Variants in DLGAP2 observed in about 807,000 individuals in gnomAD.
DLGAP2 encodes the protein disks large-associated protein 2.
DLGAP2 carries 26 observed loss-of-function variants against 100.3 expected under a neutral mutation model. The observed-to-expected ratio is 0.26, with a 90% confidence interval of 0.19 to 0.36. The LOEUF (loss-of-function observed/expected upper bound fraction) is 0.36. Ranked by LOEUF, DLGAP2 falls within the 10% of genes least tolerant of loss-of-function variation. The pLI is 1.00. For synonymous variants in DLGAP2, 886 were observed against 630.1 expected, an observed-to-expected ratio of 1.41 and a Z score of -6.08; for missense variants, 1,858 against 1,453.2, an observed-to-expected ratio of 1.28 and a Z score of -4.53.
At chr8:1,331,661 G>C (rs1347774073) in intron 3 of DLGAP2, among the ~76,000 whole-genome samples, 1 of 152,094 alleles carries the variant, frequency 6.6e-6, no homozygotes, top group South Asian at 2.1e-4. Flanking sequence ...TTGGGTATAC[G>C]ACAAACGTGG....
chr8:757,775 C>T (rs535599909), intron 1 of DLGAP2, among the ~76,000 whole-genome samples: 4 of 152,204 alleles, frequency 2.6e-5, no homozygotes, highest in Admixed American at 6.5e-5. Context: ...TGTTCTGAAG[C>T]TGTATCCAAT....
Position 928,327 on chromosome 8 carries a change from G to A in DLGAP2, c.73+20361G>A, listed in dbSNP as rs1011926468. Among the ~76,000 whole-genome samples, 6 of 151,944 alleles carry A rather than the reference G, an allele frequency of 3.9e-5. 1 individual carries two copies. The highest frequency in any genetic ancestry group is 1.3e-4 in the Admixed American group (2 of 15,246). On this transcript the variant is annotated intron_variant, in intron 2 of 14. Transcript: ENST00000637795. ...ACTAGGCATCCTGGACAGGGATTACGGAGGTCGAGTTTGCGTTCACTAGGT... is the reference window on the plus strand; with the variant it reads ...ACTAGGCATCCTGGACAGGGATTACAGAGGTCGAGTTTGCGTTCACTAGGT...
intron 3 of DLGAP2, among the ~76,000 whole-genome samples, chr8:1,283,158 T>C (rs370460429): frequency 3.7e-4 from 46 of 123,460 alleles, no homozygotes; most frequent in East Asian, 9.8e-4. Flanking sequence ...GTGAACCATC[T>C]GGACGTGGTG....
At chr8:1,010,014 G>C (rs1801229528) in intron 2 of DLGAP2, among the ~76,000 whole-genome samples, 1 of 152,212 alleles carries the variant, frequency 6.6e-6, no homozygotes, top group Non-Finnish European at 1.5e-5. Context: ...TACACCTTAT[G>C]CTAAAAAGAA....
intron 2 of DLGAP2, among the ~76,000 whole-genome samples, chr8:1,008,103 G>C (rs1801173948): frequency 6.6e-6 from 1 of 152,188 alleles, no homozygotes; most frequent in Non-Finnish European, 1.5e-5. Flanking sequence ...CATCCAAATT[G>C]ATTAGTGAAG....
At chr8:967,781 A>ATG (rs1327512618) in intron 2 of DLGAP2, among the ~76,000 whole-genome samples, 1 of 57,482 alleles carries the variant, frequency 1.7e-5, no homozygotes, top group African/African-American at 7.0e-5. Flanking sequence ...ATATATATGT[A>ATG]TATATATATA....
intron 1 of DLGAP2, among the ~76,000 whole-genome samples, chr8:795,678 A>AGC (rs1369419671): frequency 1.1e-4 from 14 of 131,916 alleles, no homozygotes; most frequent in South Asian, 2.5e-4. Context: ...GTCCAGTGAG[A>AGC]ACAGGCGTCC....
chr8:836,922 A>T (rs1471609008), intron 1 of DLGAP2, among the ~76,000 whole-genome samples: 1 of 152,162 alleles, frequency 6.6e-6, no homozygotes, highest in South Asian at 2.1e-4. Context: ...GCACATGCAC[A>T]CACCTGCTGC....
chr8:957,147 C>T (rs1156389162), intron 2 of DLGAP2, among the ~76,000 whole-genome samples: 2 of 152,194 alleles, frequency 1.3e-5, no homozygotes, highest in African/African-American at 2.4e-5. Context: ...GGGAATGAGG[C>T]CTTTAGCTGG....
intron 2 of DLGAP2, among the ~76,000 whole-genome samples, chr8:959,281 G>C (rs192079838): frequency 6.6e-6 from 1 of 152,282 alleles, no homozygotes; most frequent in East Asian, 1.9e-4. Flanking sequence ...TAATGTTTTG[G>C]GGAAGGAGGT....
chr8:1,483,113 C>T (rs1468202727), intron 3 of DLGAP2, among the ~76,000 whole-genome samples: 3 of 152,120 alleles, frequency 2.0e-5, no homozygotes, highest in African/African-American at 4.8e-5. Flanking sequence ...AAACCACGCT[C>T]GGTGCCGGCA....
intron 1 of DLGAP2, among the ~76,000 whole-genome samples, chr8:838,859 T>C (rs1352640083): frequency 6.6e-6 from 1 of 152,222 alleles, no homozygotes; most frequent in Non-Finnish European, 1.5e-5. Flanking sequence ...GGTGACTTCC[T>C]GGGGAGCGAG....
chr8:879,382 A>G (rs1261043645), intron 1 of DLGAP2, among the ~76,000 whole-genome samples: 1 of 152,164 alleles, frequency 6.6e-6, no homozygotes, highest in Admixed American at 6.5e-5. Flanking sequence ...TTGAAGATAG[A>G]GGTCCTTTGG....
chr8:1,291,249 C>A (rs530135417), intron 3 of DLGAP2, among the ~76,000 whole-genome samples: 1 of 152,070 alleles, frequency 6.6e-6, no homozygotes, highest in Non-Finnish European at 1.5e-5. Flanking sequence ...AAATCACAAA[C>A]CAAACATCTG....
At chr8:750,254 C>T (rs1407803286) in intron 1 of DLGAP2, among the ~76,000 whole-genome samples, 6 of 152,210 alleles carry the variant, frequency 3.9e-5, no homozygotes, top group Non-Finnish European at 5.9e-5. Context: ...GGGCACTGGC[C>T]GTGCCGCATC....
chr8:1,323,918 C>G (rs1474862832), intron 3 of DLGAP2, among the ~76,000 whole-genome samples: 3 of 152,192 alleles, frequency 2.0e-5, no homozygotes, highest in South Asian at 4.1e-4. Flanking sequence ...ATTATTTATG[C>G]TCTGCCTCAT....
rs778591329 is a variant in DLGAP2 at position 1,058,303 on chromosome 8, C to G, written c.73+150337C>G. Among the ~76,000 whole-genome samples the G allele has an allele frequency of 3.3e-5, 5 of 152,174 alleles. No individual in the cohort carries two copies. In the East Asian group the frequency reaches 7.7e-4, roughly 23 times the overall value. On this transcript the variant is annotated intron_variant, in intron 2 of 14. Transcript: ENST00000637795. ...CAAATAGATAATCACTCACTTGGCA[C>G]TGAGAGAATAAGCCCGAATTTCTGT...
intron 3 of DLGAP2, chr8:1,369,020 G>A (rs1230384591): frequency 6.6e-6 from 1 of 152,124 alleles, no homozygotes; most frequent in Non-Finnish European, 1.5e-5. Context: ...GCCCGGAGTG[G>A]GACACAGGTA....
At chr8:1,609,785 CA>C (rs1474981955) in intron 6 of DLGAP2, among the ~76,000 whole-genome samples, 1 of 140,110 alleles carries the variant, frequency 7.1e-6, no homozygotes, top group African/African-American at 2.6e-5. Flanking sequence ...TCAAAAGAGA[CA>C]AAGAAGGCCA....
Sources: allele counts gnomAD v4.1 joint callset (sites outside exome capture counted in the v4.1 genomes callset), GRCh38; gene constraint gnomAD v4.1.1; transcripts MANE v1.5; gene names NCBI Gene and HGNC (gene_info 2026-07-23, HGNC 2026-07-21).